RPGRIP1: variants seen among roughly 807,000 people sequenced by gnomAD.
The protein encoded by RPGRIP1 is X-linked retinitis pigmentosa GTPase regulator-interacting protein 1.
RPGRIP1 carries 128 observed loss-of-function variants against 157.9 expected under a neutral mutation model. The ratio of observed to expected loss-of-function variants is 0.81; its 90% CI spans 0.70 to 0.94. The LOEUF (loss-of-function observed/expected upper bound fraction) is 0.94, where lower values mean the gene tolerates loss of function less well. RPGRIP1 is among the 40% of genes least tolerant of loss of function. The pLI, the probability that RPGRIP1 is intolerant of heterozygous loss-of-function variation, is 0.00. For synonymous variants in RPGRIP1, 554 were observed against 571.6 expected (o/e 0.97, Z 0.44); for missense variants, 1,486 against 1,545.8 (o/e 0.96, Z 0.65).
Position 21,325,353 on chromosome 14 carries a change from G to T in RPGRIP1, c.2337G>T (p.Val779=). Residue 779 remains valine (V), a synonymous_variant, in exon 16 of 25, where the codon GTG becomes GTT. Transcript: ENST00000400017. ...CCCAGGTCTACCTGTCAACCGATGT[G>T]CTTGGAGGCCGGAAGGCCCAGGAAG... ...KKAQVYLSTD[V]LGGRKAQEEE... is the part of the protein sequence containing the mutation. The T allele has an allele frequency of 1.3e-6, 2 of 1,594,430 alleles. No homozygotes were observed. Among genetic ancestry groups the T allele is most frequent in the Non-Finnish European group, 1.7e-6 (2 of 1,170,294 alleles).
At chr14:21,320,610 T>G (rs1231835654) in intron 12 of RPGRIP1, among the ~76,000 whole-genome samples, 1 of 145,648 alleles carries the variant, frequency 6.9e-6, no homozygotes, top group Admixed American at 7.0e-5. Flanking sequence ...TTTTTTTTTT[T>G]TTTTTTGAGA....
At chr14:21,303,796 C>T (rs776436278) in intron 6 of RPGRIP1, among the ~76,000 whole-genome samples, 2 of 148,674 alleles carry the variant, frequency 1.3e-5, no homozygotes, top group South Asian at 2.1e-4. Context: ...AGACCAGCCT[C>T]GCCAACATGG....
intron 3 of RPGRIP1, among the ~76,000 whole-genome samples, chr14:21,299,552 A>G (rs2139154059): frequency 6.6e-6 from 1 of 152,296 alleles, no homozygotes; most frequent in Admixed American, 6.5e-5. Context: ...AAGCCCTTAC[A>G]GTGTAACCCC....
chr14:21,342,294 C>A (rs1285804548), intron 21 of RPGRIP1, among the ~76,000 whole-genome samples: 1 of 151,624 alleles, frequency 6.6e-6, no homozygotes, highest in African/African-American at 2.4e-5. Context: ...CTCATCTCAG[C>A]CACTTTGGGA....
chr14:21,310,894 T>A (rs1329717686), intron 8 of RPGRIP1: 1 of 626,098 alleles, frequency 1.6e-6, no homozygotes, highest in Admixed American at 1.8e-5. Flanking sequence ...TGCTCAAAAC[T>A]TCCTAAGAGT....
chr14:21,314,881 G>A (rs921450472), intron 10 of RPGRIP1, among the ~76,000 whole-genome samples: 9 of 152,002 alleles, frequency 5.9e-5, no homozygotes, highest in South Asian at 4.2e-4. Context: ...AAATTAGCTG[G>A]GCGTGGTGGC....
intron 10 of RPGRIP1, among the ~76,000 whole-genome samples, chr14:21,316,928 C>G (rs886867384): frequency 5.9e-5 from 9 of 151,788 alleles, no homozygotes; most frequent in African/African-American, 2.2e-4. Flanking sequence ...AAGACCAGCA[C>G]AGCCAACATT....
chr14:21,297,041 G>A (rs1880813172), intron 3 of RPGRIP1, among the ~76,000 whole-genome samples: 1 of 151,914 alleles, frequency 6.6e-6, no homozygotes, highest in Non-Finnish European at 1.5e-5. Context: ...TAAATAAGTT[G>A]CCTGAGATCA....
At position 21,348,157 on chromosome 14, in the gene RPGRIP1, G is replaced by T; in HGVS notation, c.3618-15G>T. ...GAGTATCAACAGTGCTGAATTAAAT[G>T]CAATTTCTTTTTAGTTTAAAGTTTA... On this transcript the variant is annotated splice_polypyrimidine_tract_variant and intron_variant, in intron 23 of 24. Transcript: ENST00000400017. 2 of 1,555,374 alleles carry T rather than the reference G, an allele frequency of 1.3e-6. No homozygotes were observed. The highest frequency in any genetic ancestry group is 2.0e-5 in the Admixed American group (1 of 48,838).
At chr14:21,327,487 T>A (rs955523646) in intron 17 of RPGRIP1, 136 bp from the exon 18 acceptor site, 1 of 707,182 alleles carries the variant, frequency 1.4e-6, no homozygotes, top group Non-Finnish European at 2.4e-6. Flanking sequence ...TCATCGTAAT[T>A]ATTTAATGGA....
chr14:21,301,470 G>T (rs1881025231), intron 4 of RPGRIP1, among the ~76,000 whole-genome samples: 1 of 152,032 alleles, frequency 6.6e-6, no homozygotes, highest in Non-Finnish European at 1.5e-5. Context: ...CAGGTCAGGA[G>T]ATGGAGACCA....
intron 10 of RPGRIP1, among the ~76,000 whole-genome samples, chr14:21,315,701 C>A (rs544660594): frequency 6.6e-6 from 1 of 152,098 alleles, no homozygotes; most frequent in East Asian, 1.9e-4. Flanking sequence ...CTCTCCCCTT[C>A]ATCACTCAAA....
intron 3 of RPGRIP1, among the ~76,000 whole-genome samples, chr14:21,295,873 C>T (rs923447423): frequency 2.0e-5 from 3 of 151,660 alleles, no homozygotes; most frequent in Non-Finnish European, 4.4e-5. Context: ...TGGGTTCAAG[C>T]GATTCCCCTC....
chr14:21,348,663 C>CTTTT (rs10561385), intron 24 of RPGRIP1, among the ~76,000 whole-genome samples: 2 of 82,360 alleles, frequency 2.4e-5, no homozygotes, highest in East Asian at 3.3e-4. Flanking sequence ...TGCATCCAGT[C>CTTTT]TTTTTTTTTT....
intron 3 of RPGRIP1, among the ~76,000 whole-genome samples, chr14:21,297,834 A>ATTCTTTCTCTCTTTCTTTCTTTCT (rs1555365052): frequency 2.3e-5 from 3 of 133,216 alleles, no homozygotes; most frequent in African/African-American, 9.3e-5. Flanking sequence ...TCAATAAATT[A>ATTCTTTCTCTCTTTCTTTCTTTCT]TTCTTTCTTT....
At position 21,324,282 on chromosome 14, in the gene RPGRIP1, T is replaced by C. The variant is rs576409385; in HGVS notation, c.1763-336T>C. The C allele has an allele frequency of 2.7e-5, 10 of 373,184 alleles. No homozygotes were observed. In the East Asian group the frequency reaches 6.2e-4, roughly 23 times the overall value. 23.1% of individuals were successfully genotyped at this position (373,184 alleles called of 1,614,324 possible). On this transcript the variant is annotated intron_variant, in intron 14 of 24. Coordinates refer to ENST00000400017, the MANE Select transcript of RPGRIP1 (RefSeq NM_020366.4). ...TTTTGTGTTTCTAGTACTTCTCTTATGGAATTACCAGTTAATCATAGGGCC... is the reference window on the plus strand; with the variant it reads ...TTTTGTGTTTCTAGTACTTCTCTTACGGAATTACCAGTTAATCATAGGGCC...
At chr14:21,336,534 C>G (rs1172121335) in intron 21 of RPGRIP1, among the ~76,000 whole-genome samples, 1 of 152,156 alleles carries the variant, frequency 6.6e-6, no homozygotes, top group Non-Finnish European at 1.5e-5. Flanking sequence ...GACCCTGTCT[C>G]AAAAACAACA....
chr14:21,325,808 A>G (rs762008321), intron 16 of RPGRIP1, 23 bp from the exon 17 acceptor site: 29 of 1,581,192 alleles, frequency 1.8e-5, no homozygotes, highest in Middle Eastern at 1.7e-4. Flanking sequence ...CTTTTCCTCA[A>G]TCCATGACCA....
chr14:21,321,783 G>A, intron 13 of RPGRIP1, 71 bp from the exon 14 acceptor site: 1 of 1,484,698 alleles, frequency 6.7e-7, no homozygotes, highest in South Asian at 1.3e-5. Context: ...GACCTAGCCA[G>A]TGCCACATTT....
Sources: gnomAD v4.1 joint callset for allele counts (sites outside exome capture counted in the v4.1 genomes callset) on GRCh38, gnomAD v4.1.1 for gene constraint, MANE v1.5 for transcripts, NCBI Gene and HGNC (gene_info 2026-07-23, HGNC 2026-07-21) for gene names.